GGA2: variants seen among roughly 807,000 people sequenced by gnomAD.
The protein encoded by GGA2 is ADP-ribosylation factor-binding protein GGA2.
GGA2 carries 48 observed loss-of-function variants against 79.5 expected under a neutral mutation model. That is an observed-to-expected ratio of 0.60 (90% CI 0.48 to 0.77). GGA2 has a LOEUF of 0.77. GGA2 is among the 30% of genes least tolerant of loss of function. GGA2 has a pLI of 0.00. For synonymous variants in GGA2, 317 were observed against 302.0 expected, an observed-to-expected ratio of 1.05 and a Z score of -0.51; for missense variants, 770 against 774.0, an observed-to-expected ratio of 0.99 and a Z score of 0.06.
intron 13 of GGA2, among the ~76,000 whole-genome samples, chr16:23,477,690 T>C (rs567555403): frequency 6.6e-6 from 1 of 152,144 alleles, no homozygotes; most frequent in East Asian, 1.9e-4. Context: ...GAGGTTGCAG[T>C]GAGCTGAGAT....
chr16:23,481,203 A>C (rs1222139000), intron 9 of GGA2, among the ~76,000 whole-genome samples: 1 of 152,082 alleles, frequency 6.6e-6, no homozygotes, highest in Non-Finnish European at 1.5e-5. Flanking sequence ...AAATGGTGAA[A>C]CCCAGTTTCT....
chr16:23,484,341 C>T (rs1321028800), intron 8 of GGA2, among the ~76,000 whole-genome samples: 3 of 152,078 alleles, frequency 2.0e-5, no homozygotes, highest in African/African-American at 7.2e-5. Flanking sequence ...TCGCTCGAAC[C>T]CGGGAGGCAG....
At chr16:23,511,016 C>CGTGTGTGTGTGTGTGTGTGT (rs145140640), upstream of GGA2, among the ~76,000 whole-genome samples, 1 of 28,838 alleles carries the variant, frequency 3.5e-5, no homozygotes, top group East Asian at 8.1e-4. Flanking sequence ...TGGGTTTCAC[C>CGTGTGTGTGTGTGTGTGTGT]GTGTGTGTGT....
intron 3 of GGA2, 168 bp downstream of exon 3, chr16:23,494,135 G>T (rs896589735): frequency 4.9e-6 from 3 of 613,572 alleles, no homozygotes; most frequent in African/African-American, 3.7e-5. Context: ...GGAGGAAGAA[G>T]GGTGGGGACC....
rs1964454526 is a variant in GGA2, at chr16:23,467,438, C to A, written c.*152G>T. The A allele has an allele frequency of 4.3e-5, 18 of 423,524 alleles. No individual in the cohort carries two copies. The highest frequency in any genetic ancestry group is 8.9e-5 in the East Asian group (2 of 22,380). The allele number at this position is 423,524 out of a possible 1,614,324, so 26.2% of individuals were successfully genotyped here. A position where few individuals can be genotyped will look rare whatever the true frequency, so the allele number is the denominator to read the frequency against. ...CACACACACACACACACACACAGAGCATCTGCAGAATAAGTCAGAGGTTGA... is the reference window on the plus strand; with the variant it reads ...CACACACACACACACACACACAGAGAATCTGCAGAATAAGTCAGAGGTTGA... On this transcript the variant is annotated 3_prime_UTR_variant, in exon 17 of 17. Transcript: ENST00000309859.
intron 8 of GGA2, 45 bp from the exon 9 acceptor site, chr16:23,483,049 A>G (rs372793328): frequency 1.6e-5 from 20 of 1,270,272 alleles, no homozygotes; most frequent in Non-Finnish European, 2.0e-5. Context: ...CAGGCACCCC[A>G]TAACGCCCCC....
intron 15 of GGA2, chr16:23,469,330 A>C (rs1464343162): frequency 8.2e-6 from 2 of 243,732 alleles, no homozygotes; most frequent in South Asian, 7.6e-5. Context: ...TAAAATATTT[A>C]ATTTCTGAGC....
At chr16:23,503,351 T>C (rs550973412) in intron 1 of GGA2, among the ~76,000 whole-genome samples, 2 of 152,352 alleles carry the variant, frequency 1.3e-5, no homozygotes, top group South Asian at 2.1e-4. Context: ...AGTCTACTCT[T>C]TGGTGAATAC....
chr16:23,501,966 G>A (rs1456941259), intron 1 of GGA2, among the ~76,000 whole-genome samples: 5 of 152,252 alleles, frequency 3.3e-5, no homozygotes, highest in Admixed American at 1.3e-4. Flanking sequence ...GCACATCCCT[G>A]CTCAGAGTCC....
At chr16:23,523,517 C>T (rs1483769047), upstream of GGA2, 2 of 152,248 alleles carry the variant, frequency 1.3e-5, no homozygotes, top group African/African-American at 4.8e-5. Flanking sequence ...TTACCCTTGG[C>T]AGTGGAGTCA....
upstream of GGA2, chr16:23,510,502 G>T: frequency 2.1e-6 from 1 of 477,388 alleles, no homozygotes; most frequent in Non-Finnish European, 3.4e-6. Flanking sequence ...TGCGCGGCAG[G>T]AGCGGTGGAC....
At chr16:23,469,069 G>A (rs1964476970) in intron 15 of GGA2, 73 bp from the exon 16 acceptor site, 2 of 938,318 alleles carry the variant, frequency 2.1e-6, no homozygotes, top group Middle Eastern at 2.6e-4. Flanking sequence ...AGGTGAGGGG[G>A]AGCTGGACCT....
At chr16:23,478,320 C>T (rs369130729) in intron 13 of GGA2, 48 bp downstream of exon 13, 4 of 1,498,716 alleles carry the variant, frequency 2.7e-6, no homozygotes, top group East Asian at 2.3e-5. Context: ...GAGAAGGAAC[C>T]GCACTCAGGA....
intron 13 of GGA2, among the ~76,000 whole-genome samples, chr16:23,476,750 C>A (rs1482453581): frequency 6.6e-6 from 1 of 152,178 alleles, no homozygotes; most frequent in Non-Finnish European, 1.5e-5. Context: ...TGGCACTTTG[C>A]ACTTTGTTGT....
At chr16:23,476,885 A>G (rs957560955) in intron 13 of GGA2, among the ~76,000 whole-genome samples, 5 of 152,220 alleles carry the variant, frequency 3.3e-5, no homozygotes, top group African/African-American at 1.2e-4. Context: ...CTCTTTTCAG[A>G]TGTCTTGGCC....
rs759003577 is a variant in GGA2 at position 23,480,723 on chromosome 16, ACAG to A, written c.925_927del (p.Leu309del). On this transcript the variant is annotated inframe_deletion, in exon 10 of 17. Transcript: ENST00000309859. The stretch of plus-strand genomic sequence containing the variant: ...ACCCGGCCCTCCATCACCTGTTTGT[ACAG>A]CAGAACTCCTTGGGTGAGGAGGTCA... 27 of 1,613,238 alleles carry A rather than the reference ACAG, an allele frequency of 1.7e-5. No individual in the cohort carries two copies. The highest frequency in any genetic ancestry group is 2.3e-5 in the Non-Finnish European group (27 of 1,179,270).
At chr16:23,520,516 G>A (rs1419165840) in intron 1 of GGA2, among the ~76,000 whole-genome samples, 3 of 151,974 alleles carry the variant, frequency 2.0e-5, no homozygotes, top group Non-Finnish European at 4.4e-5. Flanking sequence ...ACTTAGCCAG[G>A]TGTGGTGGCA....
chr16:23,479,032 T>A (rs4968008), intron 11 of GGA2, 121 bp from the exon 12 acceptor site: 9 of 738,736 alleles, frequency 1.2e-5, no homozygotes, highest in Admixed American at 2.0e-5. Flanking sequence ...AGCAACTTAC[T>A]GAAGGTCATG....
chr16:23,505,351 C>A (rs975514695), intron 1 of GGA2, among the ~76,000 whole-genome samples: 1 of 152,080 alleles, frequency 6.6e-6, no homozygotes, highest in Admixed American at 6.5e-5. Context: ...TTTTTAATAG[C>A]GCAAGGCTAG....
Sources: allele counts gnomAD v4.1 joint callset (sites outside exome capture counted in the v4.1 genomes callset), GRCh38; gene constraint gnomAD v4.1.1; transcripts MANE v1.5; gene names NCBI Gene and HGNC (gene_info 2026-07-23, HGNC 2026-07-21).